ARID2: variants seen among roughly 807,000 people sequenced by gnomAD.
ARID2 encodes the protein AT-rich interactive domain-containing protein 2.
In ARID2, 32 loss-of-function variants were observed where a neutral mutation model predicts 184.6. That is an observed-to-expected ratio of 0.17 (90% CI 0.13 to 0.23). ARID2 has a LOEUF of 0.23. Among genes scored for constraint, ARID2 ranks in the 10% least tolerant of loss-of-function variants. The pLI is 1.00. For synonymous variants in ARID2, 836 were observed against 772.6 expected (o/e 1.08, Z -1.36); for missense variants, 1,696 against 2,197.6 (o/e 0.77, Z 4.56).
intron 3 of ARID2, among the ~76,000 whole-genome samples, chr12:45,787,170 G>A (rs1942210262): frequency 6.6e-6 from 1 of 150,476 alleles, no homozygotes; most frequent in South Asian, 2.1e-4. Context: ...TATTGCAAAT[G>A]TTAATCAGTT....
intron 3 of ARID2, among the ~76,000 whole-genome samples, chr12:45,788,499 C>T (rs1942236435): frequency 6.6e-6 from 1 of 152,082 alleles, no homozygotes; most frequent in African/African-American, 2.4e-5. Flanking sequence ...TTAATGATTA[C>T]TTTTAAATTC....
intron 3 of ARID2, among the ~76,000 whole-genome samples, chr12:45,759,456 G>A (rs1270840165): frequency 6.6e-6 from 1 of 152,144 alleles, no homozygotes; most frequent in East Asian, 1.9e-4. Flanking sequence ...GAAAAATGAT[G>A]ACTTAGTGAT....
At chr12:45,855,831 C>G (rs545892110) in intron 15 of ARID2, among the ~76,000 whole-genome samples, 119 of 152,248 alleles carry the variant, frequency 7.8e-4, no homozygotes, top group African/African-American at 2.7e-3. Flanking sequence ...ATCCTTCCAC[C>G]TCAGCCTCCC....
intron 3 of ARID2, among the ~76,000 whole-genome samples, chr12:45,743,386 A>G (rs894735984): frequency 2.6e-5 from 4 of 151,944 alleles, no homozygotes; most frequent in Admixed American, 2.0e-4. Context: ...AAGAGAGACA[A>G]ATTTTACTGT....
chr12:45,808,736 CGT>C (rs138992855), intron 3 of ARID2, among the ~76,000 whole-genome samples: 26,316 of 146,942 alleles, frequency 0.18, 2,361 homozygotes, highest in Admixed American at 0.23. Context: ...TGTTTGCGTG[CGT>C]GTGTGTGTGT....
At chr12:45,759,592 T>C (rs1941636053) in intron 3 of ARID2, among the ~76,000 whole-genome samples, 1 of 152,172 alleles carries the variant, frequency 6.6e-6, no homozygotes, top group South Asian at 2.1e-4. Flanking sequence ...AATATGTATA[T>C]TCAGCTATGT....
chr12:45,842,577 T>G (rs1166015366), intron 11 of ARID2, among the ~76,000 whole-genome samples: 2 of 151,908 alleles, frequency 1.3e-5, no homozygotes, highest in Non-Finnish European at 2.9e-5. Context: ...GCCAACATGG[T>G]GAAACCCCAT....
At chr12:45,747,818 A>G (rs1565581176) in intron 3 of ARID2, among the ~76,000 whole-genome samples, 1 of 152,180 alleles carries the variant, frequency 6.6e-6, no homozygotes. Flanking sequence ...GTTTTTAAGT[A>G]AAATAGACAC....
intron 6 of ARID2, among the ~76,000 whole-genome samples, chr12:45,832,008 C>T (rs1592104840): frequency 1.3e-5 from 2 of 152,198 alleles, no homozygotes; most frequent in Admixed American, 1.3e-4. Flanking sequence ...ATAGTTAGCA[C>T]TTATTTTCCT....
At chr12:45,898,114 T>A (rs1166541891) in intron 20 of ARID2, among the ~76,000 whole-genome samples, 1 of 152,056 alleles carries the variant, frequency 6.6e-6, no homozygotes, top group East Asian at 1.9e-4. Context: ...GGAAAAAAAA[T>A]TCTGACATAT....
At position 45,890,509 on chromosome 12, in the gene ARID2, C is replaced by T. The variant is rs550567798; in HGVS notation, c.4923-1271C>T. The stretch of plus-strand genomic sequence containing the variant: ...TTGTGGCAATAACTAGTATGTATAA[C>T]AGAACTCAAATCATATTTCATATTA... On this transcript the variant is annotated intron_variant, in intron 16 of 20. Coordinates refer to ENST00000334344, the MANE Select transcript of ARID2 (RefSeq NM_152641.4). Among the ~76,000 whole-genome samples, 18 of 152,236 alleles carry T rather than the reference C, an allele frequency of 1.2e-4. No homozygotes were observed. In the South Asian group the frequency reaches 3.5e-3, roughly 30 times the overall value.
rs147135687 is a variant in ARID2 at position 45,824,335 on chromosome 12, A to G, written c.705+2848A>G. On this transcript the variant is annotated intron_variant, in intron 6 of 20. Coordinates refer to ENST00000334344, the MANE Select transcript of ARID2 (RefSeq NM_152641.4). ...ATAATCATCATACCAAATAGGGGAA[A>G]AACTGAAAGCTTTTCCTTGAAAAAC... is the stretch of plus-strand genomic sequence containing the variant. 2.3e-3 allele frequency among the ~76,000 whole-genome samples: 351 copies of G among 152,120 alleles called. 2 individuals are homozygous for G. The highest frequency in any genetic ancestry group is 8.2e-3 in the African/African-American group (342 of 41,538).
At chr12:45,876,339 T>C (rs891539920) in intron 16 of ARID2, among the ~76,000 whole-genome samples, 7 of 151,236 alleles carry the variant, frequency 4.6e-5, no homozygotes, top group Non-Finnish European at 7.4e-5. Context: ...TCACGTGAGG[T>C]TGGGAGTTCA....
intron 3 of ARID2, among the ~76,000 whole-genome samples, chr12:45,744,233 A>G: frequency 6.6e-6 from 1 of 152,138 alleles, no homozygotes; most frequent in Non-Finnish European, 1.5e-5. Flanking sequence ...TGCCTGTTAT[A>G]TGTTTTGATG....
intron 15 of ARID2, among the ~76,000 whole-genome samples, chr12:45,857,331 C>T (rs944298589): frequency 1.3e-5 from 2 of 152,018 alleles, no homozygotes; most frequent in Admixed American, 6.6e-5. Context: ...TAGCCTCAGG[C>T]GGGGGCAGCA....
chr12:45,802,448 C>A (rs1942523394), intron 3 of ARID2, among the ~76,000 whole-genome samples: 1 of 152,034 alleles, frequency 6.6e-6, no homozygotes, highest in South Asian at 2.1e-4. Context: ...TTAAAAAACA[C>A]CCTTTAAAAA....
In ARID2 at chr12:45,848,829, C is replaced by T. The variant is rs2138153924; in HGVS notation, c.1581-7C>T. The T allele has an allele frequency of 6.2e-7, 1 of 1,609,076 alleles. No individual in the cohort carries two copies. Among genetic ancestry groups the T allele is most frequent in the Non-Finnish European group, 8.5e-7 (1 of 1,177,316 alleles). ...TTGTATAATGCTTAATTTTTCTCCT[C>T]TTTTAGGCTAAATGCTCATTTTGAA... On this transcript the variant is annotated splice_region_variant and splice_polypyrimidine_tract_variant and intron_variant, in intron 12 of 20. Transcript: ENST00000334344.
At chr12:45,901,154 A>ATTTTTTTTTTTTTTTTT (rs71067909) in intron 20 of ARID2, among the ~76,000 whole-genome samples, 2 of 44,966 alleles carry the variant, frequency 4.4e-5, no homozygotes, top group African/African-American at 2.8e-4. Flanking sequence ...AATTTCCTTA[A>ATTTTTTTTTTTTTTTTT]TTTTTTTTTT....
chr12:45,761,012 C>T (rs1255422746), intron 3 of ARID2, among the ~76,000 whole-genome samples: 1 of 152,088 alleles, frequency 6.6e-6, no homozygotes, highest in African/African-American at 2.4e-5. Flanking sequence ...CAGATGTGAG[C>T]CATTGTTCCT....
Sources: gnomAD v4.1 joint callset for allele counts (sites outside exome capture counted in the v4.1 genomes callset) on GRCh38, gnomAD v4.1.1 for gene constraint, MANE v1.5 for transcripts, NCBI Gene and HGNC (gene_info 2026-07-23, HGNC 2026-07-21) for gene names.